The following LIN7A variants were observed in gnomAD, a reference collection of about 807,000 sequenced individuals.
LIN7A encodes protein lin-7 homolog A.
LIN7A carries 25 observed loss-of-function variants against 29.8 expected under a neutral mutation model. The ratio of observed to expected loss-of-function variants is 0.84; its 90% CI spans 0.61 to 1.17. The LOEUF is 1.17. LIN7A is among the 50% of genes most tolerant of loss of function. LIN7A has a pLI of 0.00. For synonymous variants in LIN7A, 118 were observed against 107.5 expected (o/e 1.10, Z -0.60); for missense variants, 239 against 287.0 (o/e 0.83, Z 1.21).
In LIN7A at chr12:80,797,701, T is replaced by C. The variant is rs943201530; in HGVS notation, c.*26A>G. 3 of 152,652 alleles carry C rather than the reference T, an allele frequency of 2.0e-5. No homozygotes were observed. The highest frequency in any genetic ancestry group is 7.2e-5 in the African/African-American group (3 of 41,458). 9.5% of individuals were successfully genotyped at this position (152,652 alleles called of 1,614,324 possible). On this transcript the variant is annotated 3_prime_UTR_variant, in exon 6 of 6. Transcript: ENST00000552864. ...TTCAAATTTGTGACTATCGGATGTTTGATCAAGTAGCTTTCCCTCAAGGGC... is the reference window on the plus strand; with the variant it reads ...TTCAAATTTGTGACTATCGGATGTTCGATCAAGTAGCTTTCCCTCAAGGGC...
At chr12:80,858,414 A>G (rs1873706531) in intron 2 of LIN7A, among the ~76,000 whole-genome samples, 1 of 152,136 alleles carries the variant, frequency 6.6e-6, no homozygotes, top group African/African-American at 2.4e-5. Context: ...ACTTGTACAA[A>G]TCATTTAATA....
intron 1 of LIN7A, among the ~76,000 whole-genome samples, chr12:80,929,589 C>T (rs1283488683): frequency 6.6e-6 from 1 of 152,114 alleles, no homozygotes; most frequent in Admixed American, 6.6e-5. Context: ...GTTGTGGGGT[C>T]ATGAATATAT....
chr12:80,825,610 T>C (rs886642433), intron 4 of LIN7A, among the ~76,000 whole-genome samples: 1 of 152,192 alleles, frequency 6.6e-6, no homozygotes, highest in Non-Finnish European at 1.5e-5. Context: ...GAAAAAGGCT[T>C]AGCCTATAGG....
intron 4 of LIN7A, chr12:80,845,414 A>G (rs1410138525): frequency 4.2e-6 from 1 of 236,522 alleles, no homozygotes; most frequent in Non-Finnish European, 8.0e-6. Context: ...GTAACTTAGG[A>G]TAAAAAGTAT....
At chr12:80,862,679 T>A (rs572574662) in intron 2 of LIN7A, among the ~76,000 whole-genome samples, 1 of 152,276 alleles carries the variant, frequency 6.6e-6, no homozygotes, top group Non-Finnish European at 1.5e-5. Flanking sequence ...AGCACTATGA[T>A]GAGGGGCCAT....
At chr12:80,830,763 C>T (rs1241658117) in intron 4 of LIN7A, among the ~76,000 whole-genome samples, 1 of 152,154 alleles carries the variant, frequency 6.6e-6, no homozygotes, top group East Asian at 1.9e-4. Flanking sequence ...TCTCGAATGC[C>T]AGTGCCCTTC....
At chr12:80,835,175 T>TA (rs1872548110) in intron 4 of LIN7A, among the ~76,000 whole-genome samples, 1 of 152,188 alleles carries the variant, frequency 6.6e-6, no homozygotes, top group Admixed American at 6.5e-5. Context: ...TCTGTTTTTG[T>TA]AAATTAAGGA....
At chr12:80,869,603 A>T (rs1296594270) in intron 2 of LIN7A, among the ~76,000 whole-genome samples, 3 of 152,154 alleles carry the variant, frequency 2.0e-5, no homozygotes, top group Non-Finnish European at 4.4e-5. Context: ...TACTTAATTT[A>T]AAAACTGTTG....
In LIN7A at chr12:80,851,529, G is replaced by A. The variant is rs936260755; in HGVS notation, c.202-3207C>T. Among the ~76,000 whole-genome samples the A allele has an allele frequency of 4.6e-5, 7 of 152,048 alleles. No individual in the cohort carries two copies. In the South Asian group the frequency reaches 6.2e-4, roughly 14 times the overall value. On this transcript the variant is annotated intron_variant, in intron 2 of 5. Transcript: ENST00000552864. ...TCCTTAGCCTCTCATTTCCTAAGGC[G>A]CAAAATATATCCATGCCTATCTTAC... is the stretch of plus-strand genomic sequence containing the variant.
At chr12:80,907,055 C>CTGTGTG (rs529376132) in intron 1 of LIN7A, among the ~76,000 whole-genome samples, 1,923 of 145,330 alleles carry the variant, frequency 0.013, 24 homozygotes, top group African/African-American at 0.044. Context: ...AGTGCGTGCT[C>CTGTGTG]TGTGTGTGTG....
chr12:80,825,113 T>C (rs973570303), intron 4 of LIN7A, among the ~76,000 whole-genome samples: 1 of 152,130 alleles, frequency 6.6e-6, no homozygotes. Flanking sequence ...AAACCCTAAA[T>C]GTTATTTCTT....
chr12:80,910,353 A>T (rs189751825), intron 1 of LIN7A, among the ~76,000 whole-genome samples: 108 of 152,244 alleles, frequency 7.1e-4, no homozygotes, highest in African/African-American at 2.5e-3. Context: ...CTTCCATTCA[A>T]ATCTATATTA....
At chr12:80,873,243 G>T (rs894921083) in intron 2 of LIN7A, among the ~76,000 whole-genome samples, 4 of 152,080 alleles carry the variant, frequency 2.6e-5, no homozygotes, top group Non-Finnish European at 2.9e-5. Flanking sequence ...TAAAACAGAG[G>T]AACAGGTCAA....
intron 5 of LIN7A, 28 bp downstream of exon 5, chr12:80,811,437 T>C: frequency 2.6e-6 from 2 of 758,236 alleles, no homozygotes; most frequent in Non-Finnish European, 4.5e-6. Context: ...ATATATATAC[T>C]CCTTGTATAG....
intron 2 of LIN7A, among the ~76,000 whole-genome samples, chr12:80,886,210 T>A (rs2076604871): frequency 6.6e-6 from 1 of 152,024 alleles, no homozygotes; most frequent in African/African-American, 2.4e-5. Context: ...CAAAGTTTTT[T>A]TTTTTTGCCA....
At chr12:80,825,807 A>G (rs919693281) in intron 4 of LIN7A, among the ~76,000 whole-genome samples, 4 of 152,080 alleles carry the variant, frequency 2.6e-5, no homozygotes, top group Non-Finnish European at 5.9e-5. Context: ...AAGTGGTGTC[A>G]TAGAGACAAC....
chr12:80,853,401 A>G (rs1196460066), intron 2 of LIN7A, among the ~76,000 whole-genome samples: 2 of 152,192 alleles, frequency 1.3e-5, no homozygotes, highest in Non-Finnish European at 2.9e-5. Flanking sequence ...ACTGGCAGAA[A>G]ATGTTTGCAA....
chr12:80,842,858 C>T (rs1205540623), intron 4 of LIN7A, among the ~76,000 whole-genome samples: 1 of 152,072 alleles, frequency 6.6e-6, no homozygotes, highest in Non-Finnish European at 1.5e-5. Flanking sequence ...TACTTTTAAA[C>T]AGTTTAAAAT....
At chr12:80,863,960 C>T (rs1451681963) in intron 2 of LIN7A, among the ~76,000 whole-genome samples, 1 of 152,062 alleles carries the variant, frequency 6.6e-6, no homozygotes, top group African/African-American at 2.4e-5. Flanking sequence ...CAAATATTTA[C>T]TCAACCCTCA....
Sources: gnomAD v4.1 joint callset for allele counts (sites outside exome capture counted in the v4.1 genomes callset) on GRCh38, gnomAD v4.1.1 for gene constraint, MANE v1.5 for transcripts, NCBI Gene and HGNC (gene_info 2026-07-23, HGNC 2026-07-21) for gene names.